The following ALS2 variants were observed in gnomAD, a reference collection of about 807,000 sequenced individuals.
The protein encoded by ALS2 is alsin Rho guanine nucleotide exchange factor ALS2, also known as alsin.
ALS2 carries 117 observed loss-of-function variants against 203.4 expected under a neutral mutation model. The observed-to-expected ratio is 0.58, with a 90% CI of 0.50 to 0.67. The LOEUF (loss-of-function observed/expected upper bound fraction) is 0.67. Among genes scored for constraint, ALS2 ranks in the 30% least tolerant of loss-of-function variants. ALS2 has a pLI of 0.00. For missense variants in ALS2, 1,715 were observed against 1,989.4 expected (o/e 0.86, Z 2.62); for synonymous variants, 718 against 725.9 (o/e 0.99, Z 0.17).
In ALS2 at chr2:201,745,234, A is replaced by T. The variant is rs996641284; in HGVS notation, c.1999-805T>A. ...ATCTTTAAATTTGTTTTGTTTTGGT[A>T]GAGACAGGGTCTTGCTATGTTGCCC... On this transcript the variant is annotated intron_variant, in intron 9 of 33. Coordinates refer to ENST00000264276, the MANE Select transcript of ALS2 (RefSeq NM_020919.4). 3.9e-5 allele frequency among the ~76,000 whole-genome samples: 6 copies of T among 152,216 alleles called. No homozygotes were observed. In the South Asian group the frequency reaches 1.2e-3, roughly 31 times the overall value.
intron 13 of ALS2, among the ~76,000 whole-genome samples, chr2:201,732,212 G>T (rs746774043): frequency 1.2e-4 from 19 of 152,182 alleles, no homozygotes; most frequent in Non-Finnish European, 1.5e-4. Flanking sequence ...ACTCTGAGGG[G>T]TGAAATCTGT....
At chr2:201,720,576 T>C (rs1244130036) in intron 23 of ALS2, among the ~76,000 whole-genome samples, 1 of 144,988 alleles carries the variant, frequency 6.9e-6, no homozygotes, top group Non-Finnish European at 1.5e-5. Flanking sequence ...TAGCCAGGCA[T>C]GGTGGCATGT....
At chr2:201,765,665 T>G (rs1299435101) in intron 3 of ALS2, 1 of 167,064 alleles carries the variant, frequency 6.0e-6, no homozygotes, top group Non-Finnish European at 1.5e-5. Flanking sequence ...AGCAGAAATT[T>G]ATAAATTAGT....
In ALS2 at chr2:201,710,015, G is replaced by T; in HGVS notation, c.4146C>A (p.Pro1382=). ...CCAGTGTCTCCACAAGCCTGCCCAG[G>T]GGGTGCAGAGGAGTGTCACAGGCCT... ...LIKACDTPLH[P]LGRLVETLVA... is the part of the protein sequence containing the mutation. Residue 1382 remains proline, a synonymous_variant, in exon 27 of 34, where the codon CCC becomes CCA. Transcript: ENST00000264276. 6.2e-7 allele frequency: 1 copy of T among 1,613,850 alleles called. No individual in the cohort carries two copies. Among genetic ancestry groups the T allele is most frequent in the African/African-American group, 1.3e-5 (1 of 75,016 alleles).
chr2:201,724,985 C>T (rs1037141458), intron 20 of ALS2, among the ~76,000 whole-genome samples: 1 of 151,684 alleles, frequency 6.6e-6, no homozygotes, highest in Non-Finnish European at 1.5e-5. Flanking sequence ...TGGTGGCGGG[C>T]GCCTGGAGTC....
intron 25 of ALS2, among the ~76,000 whole-genome samples, chr2:201,712,006 CT>C (rs1237068981): frequency 6.6e-6 from 1 of 152,034 alleles, no homozygotes; most frequent in Non-Finnish European, 1.5e-5. Context: ...ATTTCTTCTA[CT>C]GATAGAGTAG....
At chr2:201,716,897 T>C (rs1690432911) in intron 24 of ALS2, among the ~76,000 whole-genome samples, 1 of 151,934 alleles carries the variant, frequency 6.6e-6, no homozygotes, top group Non-Finnish European at 1.5e-5. Context: ...AACAAAAACC[T>C]GAGGTGCTAC....
rs186403153 is a variant in ALS2 at position 201,727,754 on chromosome 2, G to A, written c.2863C>T (p.Pro955Ser). ...GGCTCTGCCCACAGCGTGGCCAGAG[G>A]GAAAACATGGTGCGTGGAGAACTGA... The part of the protein sequence containing the change: ...HAQFSTHHVF[P>S]LATLWAEPLS... Residue 955 changes from proline to serine, a missense_variant, in exon 16 of 34, where the codon CCT becomes TCT. Transcript: ENST00000264276. The A allele has an allele frequency of 6.4e-7, 1 of 1,551,688 alleles. No individual in the cohort carries two copies.
At chr2:201,767,001 G>C (rs1354204370) in intron 3 of ALS2, among the ~76,000 whole-genome samples, 2 of 150,776 alleles carry the variant, frequency 1.3e-5, no homozygotes, top group Non-Finnish European at 2.9e-5. Flanking sequence ...TAAATGATGA[G>C]TTAATGGGTG....
intron 9 of ALS2, 76 bp downstream of exon 9, chr2:201,746,489 AC>A: frequency 1.3e-6 from 2 of 1,517,658 alleles, no homozygotes; most frequent in Non-Finnish European, 1.8e-6. Flanking sequence ...AATTAGCCAT[AC>A]ATACAAATAA....
chr2:201,712,839 TTCAG>T (rs1236748145), intron 25 of ALS2, among the ~76,000 whole-genome samples: 2 of 152,104 alleles, frequency 1.3e-5, no homozygotes, highest in Non-Finnish European at 1.5e-5. Context: ...TAACTTTTCT[TTCAG>T]TATTTTGAAA....
In ALS2 at chr2:201,728,607, A is replaced by C. The variant is rs773127739; in HGVS notation, c.2746T>G (p.Cys916Gly). Residue 916 changes from cysteine to glycine, a missense_variant, in exon 15 of 34, where the codon TGT (cysteine) becomes GGT (glycine). By Grantham distance (159) the Cys-to-Gly change is radical. Coordinates refer to ENST00000264276, the MANE Select transcript of ALS2 (RefSeq NM_020919.4). ...SLRKPERRLL[C>G]ESSNRALSLQ... ...GACAGGGCTCGGTTACTACTCTCAC[A>C]CAGCAGTCGACGCTCTGGCTTCCTC... is the stretch of plus-strand genomic sequence containing the variant. 1.2e-6 allele frequency: 2 copies of C among 1,614,144 alleles called. No homozygotes were observed. Among genetic ancestry groups the C allele is most frequent in the South Asian group, 2.2e-5 (2 of 91,082 alleles).
Position 201,724,470 on chromosome 2 carries a change from A to T in ALS2, c.3348-11T>A. 6.2e-7 allele frequency: 1 copy of T among 1,613,754 alleles called. No individual in the cohort carries two copies. The highest frequency in any genetic ancestry group is 8.5e-7 in the Non-Finnish European group (1 of 1,179,658). On this transcript the variant is annotated splice_polypyrimidine_tract_variant and intron_variant, in intron 20 of 33. Coordinates refer to ENST00000264276, the MANE Select transcript of ALS2 (RefSeq NM_020919.4). ...TCACCAGAAGCATAGCTGTGGTTGGAAAGAATGGATAATTATCACATGCAC... is the reference window on the plus strand; with the variant it reads ...TCACCAGAAGCATAGCTGTGGTTGGTAAGAATGGATAATTATCACATGCAC...
intron 28 of ALS2, among the ~76,000 whole-genome samples, chr2:201,707,226 T>G (rs553769498): frequency 6.6e-6 from 1 of 152,298 alleles, no homozygotes; most frequent in South Asian, 2.1e-4. Context: ...GTGAATTCTT[T>G]TCATGAATTA....
intron 13 of ALS2, among the ~76,000 whole-genome samples, chr2:201,731,382 C>T (rs1691544234): frequency 6.6e-6 from 1 of 152,062 alleles, no homozygotes; most frequent in Non-Finnish European, 1.5e-5. Context: ...GATTCTGGAA[C>T]CAGAGCCTGG....
At chr2:201,749,278 A>C (rs1361378917) in intron 8 of ALS2, among the ~76,000 whole-genome samples, 2 of 151,302 alleles carry the variant, frequency 1.3e-5, no homozygotes, top group African/African-American at 2.4e-5. Context: ...AAAGGCTTAC[A>C]AAAAAAAATG....
rs368857748 is a variant in ALS2, at chr2:201,706,985, G to A, written c.4441C>T (p.Leu1481=). Reference sequence around the variant, plus strand: ...AGCGGTGGGTAGAGCCGAGGTAGCAGCACAGGAAGCAATAATCCAGAACTC... The same window carrying A: ...AGCGGTGGGTAGAGCCGAGGTAGCAACACAGGAAGCAATAATCCAGAACTC... ...VTSSGLLLPV[L]LPRLYPPLFM... is the part of the protein sequence containing the mutation. The change falls in exon 29 of 34, where the codon CTG becomes TTG. Residue 1481 remains leucine, a synonymous_variant. Coordinates refer to ENST00000264276, the MANE Select transcript of ALS2 (RefSeq NM_020919.4). The A allele has an allele frequency of 4.3e-6, 7 of 1,613,720 alleles. No homozygotes were observed. The African/African-American group carries it at 9.3e-5, about 22-fold the overall frequency.
chr2:201,756,217 A>C (rs1693374561), intron 5 of ALS2, among the ~76,000 whole-genome samples: 1 of 151,976 alleles, frequency 6.6e-6, no homozygotes, highest in South Asian at 2.1e-4. Flanking sequence ...TAAAATGCTA[A>C]AGGACACTTA....
At chr2:201,726,618 T>C (rs1366659039) in intron 18 of ALS2, 46 bp downstream of exon 18, 2 of 1,608,110 alleles carry the variant, frequency 1.2e-6, no homozygotes, top group Admixed American at 3.3e-5. Context: ...TTTTCTATCA[T>C]GTGATGATCA....
Sources: allele counts gnomAD v4.1 joint callset (sites outside exome capture counted in the v4.1 genomes callset), GRCh38; gene constraint gnomAD v4.1.1; transcripts MANE v1.5; gene names NCBI Gene and HGNC (gene_info 2026-07-23, HGNC 2026-07-21).